The following DCC variants were observed in gnomAD, a reference collection of about 807,000 sequenced individuals.
DCC encodes the protein DCC netrin 1 receptor.
Under a neutral mutation model 172.5 loss-of-function variants are expected in DCC, and 58 were observed. That is an observed-to-expected ratio of 0.34 (90% CI 0.27 to 0.42). The LOEUF (loss-of-function observed/expected upper bound fraction) is 0.42, where lower values mean the gene tolerates loss of function less well. Among genes scored for constraint, DCC ranks in the 10% least tolerant of loss-of-function variants. DCC has a pLI of 1.00. For missense variants in DCC, 1,740 were observed against 1,791.0 expected (o/e 0.97, Z 0.51); for synonymous variants, 709 against 644.5 (o/e 1.10, Z -1.52).
At chr18:52,774,687 C>G (rs928548697) in intron 2 of DCC, among the ~76,000 whole-genome samples, 1 of 151,986 alleles carries the variant, frequency 6.6e-6, no homozygotes, top group African/African-American at 2.4e-5. Flanking sequence ...AGCATACAGT[C>G]GGGTCCTGGT....
At chr18:52,660,652 T>C (rs2035342117) in intron 1 of DCC, among the ~76,000 whole-genome samples, 1 of 152,200 alleles carries the variant, frequency 6.6e-6, no homozygotes, top group Admixed American at 6.5e-5. Context: ...TACAGATTTG[T>C]GTTTCTGTAG....
intron 8 of DCC, among the ~76,000 whole-genome samples, chr18:53,171,869 AT>A (rs1354541259): frequency 7.3e-5 from 11 of 150,126 alleles, no homozygotes; most frequent in African/African-American, 2.2e-4. Flanking sequence ...AAAAAAAAAA[AT>A]AATAAACAAT....
intron 12 of DCC, among the ~76,000 whole-genome samples, chr18:53,261,149 C>G (rs577552434): frequency 1.3e-5 from 2 of 152,316 alleles, no homozygotes; most frequent in East Asian, 3.9e-4. Flanking sequence ...CCTTGCACTT[C>G]CCGGGTGAGG....
chr18:53,399,133 G>A lies in DCC; in HGVS notation c.2827+1687G>A, dbSNP rs191666365. 1.2e-4 allele frequency among the ~76,000 whole-genome samples: 18 copies of A among 152,168 alleles called. No homozygotes were observed. The East Asian group carries it at 2.9e-3, about 24-fold the overall frequency. On this transcript the variant is annotated intron_variant, in intron 18 of 28. Transcript: ENST00000442544. ...TTTGGTTAACTGAAGTAAAATAAAC[G>A]TGACAGGAAGGACACTTTAAATAAT...
chr18:52,695,628 G>A (rs980482593), intron 1 of DCC, among the ~76,000 whole-genome samples: 2 of 152,210 alleles, frequency 1.3e-5, no homozygotes, highest in Non-Finnish European at 2.9e-5. Context: ...CAAAGTGGGA[G>A]CAGGAAAACA....
chr18:52,753,077 A>G (rs977813370), intron 2 of DCC, among the ~76,000 whole-genome samples: 2 of 152,238 alleles, frequency 1.3e-5, no homozygotes, highest in Middle Eastern at 3.4e-3. Flanking sequence ...ATAATGCTGC[A>G]ATTAACATGG....
chr18:53,226,707 A>T (rs1469536326), intron 12 of DCC, among the ~76,000 whole-genome samples: 1 of 151,988 alleles, frequency 6.6e-6, no homozygotes, highest in East Asian at 1.9e-4. Context: ...AACAAACAAA[A>T]CAAAAAACAA....
At chr18:52,562,538 A>G (rs550685385) in intron 1 of DCC, among the ~76,000 whole-genome samples, 14 of 152,166 alleles carry the variant, frequency 9.2e-5, no homozygotes, top group Non-Finnish European at 1.9e-4. Flanking sequence ...CAAGTTTCCA[A>G]GAAATGAAGA....
chr18:53,457,400 A>G (rs1279906883), intron 23 of DCC, among the ~76,000 whole-genome samples: 11 of 152,202 alleles, frequency 7.2e-5, no homozygotes, highest in African/African-American at 2.4e-4. Context: ...TATCTTGACT[A>G]CTTTCTTTAT....
intron 27 of DCC, among the ~76,000 whole-genome samples, chr18:53,523,750 C>T (rs2046425135): frequency 6.6e-6 from 1 of 151,844 alleles, no homozygotes; most frequent in Non-Finnish European, 1.5e-5. Flanking sequence ...ACACACTGGG[C>T]CTGTCGGAGG....
intron 2 of DCC, among the ~76,000 whole-genome samples, chr18:52,821,026 G>C (rs1383440788): frequency 2.6e-5 from 4 of 152,074 alleles, no homozygotes; most frequent in Non-Finnish European, 5.9e-5. Flanking sequence ...TGCTGAATTT[G>C]TTCTCTCATT....
At chr18:53,498,963 ATGAAAGGAGAAATAACTCT>A (rs1246754694) in intron 26 of DCC, among the ~76,000 whole-genome samples, 1 of 152,214 alleles carries the variant, frequency 6.6e-6, no homozygotes, top group Non-Finnish European at 1.5e-5. Context: ...ATTGCTACTT[ATGAAAGGAGAAATAACTCT>A]TTTTTCTCGC....
Position 53,311,127 on chromosome 18 carries a change from TTTA to T in DCC, c.2053+5411_2053+5413del, listed in dbSNP as rs201321305. ...TTCATTTATTTATTTATTTTATTTATTTATTTTTTTTGAGATGGAGTTTCACTC... is the reference window on the plus strand; with the variant it reads ...TTCATTTATTTATTTATTTTATTTATTTTTTTTTGAGATGGAGTTTCACTC... On this transcript the variant is annotated intron_variant, in intron 13 of 28. Transcript: ENST00000442544. 9.5e-5 allele frequency among the ~76,000 whole-genome samples: 10 copies of T among 105,480 alleles called. 1 individual carries two copies. Among genetic ancestry groups the T allele is most frequent in the Admixed American group, 7.1e-4 (6 of 8,454 alleles). 69.2% of individuals were successfully genotyped at this position (105,480 alleles called of 152,430 possible).
At chr18:52,944,468 A>C (rs1278519883) in intron 5 of DCC, among the ~76,000 whole-genome samples, 1 of 152,180 alleles carries the variant, frequency 6.6e-6, no homozygotes, top group East Asian at 1.9e-4. Context: ...TATTTGTCCG[A>C]AGAAGCCAGA....
intron 2 of DCC, among the ~76,000 whole-genome samples, chr18:52,860,045 A>G (rs1486978095): frequency 1.3e-5 from 2 of 152,258 alleles, no homozygotes; most frequent in Non-Finnish European, 2.9e-5. Flanking sequence ...TAGCAGGTGC[A>G]TTGCCAATGG....
At chr18:53,526,896 CTTTGTTTT>C in intron 28 of DCC, 137 bp downstream of exon 28, 2 of 815,128 alleles carry the variant, frequency 2.5e-6, no homozygotes, top group East Asian at 5.2e-5. Context: ...TTGTTTGTTC[CTTTGTTTT>C]CCTGCACTTA....
chr18:52,850,886 G>T (rs1477076394), intron 2 of DCC, among the ~76,000 whole-genome samples: 1 of 151,992 alleles, frequency 6.6e-6, no homozygotes, highest in Non-Finnish European at 1.5e-5. Context: ...GTTCCGTCAG[G>T]TAAATTAATT....
chr18:53,418,952 T>C (rs2145073236), intron 21 of DCC, among the ~76,000 whole-genome samples: 1 of 152,294 alleles, frequency 6.6e-6, no homozygotes, highest in African/African-American at 2.4e-5. Context: ...TCTCCTTTTT[T>C]GCATCACCCT....
intron 2 of DCC, among the ~76,000 whole-genome samples, chr18:52,850,148 A>G (rs2145337766): frequency 6.6e-6 from 1 of 152,252 alleles, no homozygotes; most frequent in South Asian, 2.1e-4. Context: ...CTTATACCCT[A>G]TGAAAGTAGC....
Sources: gnomAD v4.1 joint callset for allele counts (sites outside exome capture counted in the v4.1 genomes callset) on GRCh38, gnomAD v4.1.1 for gene constraint, MANE v1.5 for transcripts, NCBI Gene and HGNC (gene_info 2026-07-23, HGNC 2026-07-21) for gene names.